TG: variants seen among roughly 807,000 people sequenced by gnomAD.
TG encodes thyroglobulin, also known as thyroid hormones.
A neutral mutation model predicts 324.7 loss-of-function variants in TG; 270 were observed. The ratio of observed to expected loss-of-function variants is 0.83; its 90% CI spans 0.75 to 0.92. TG has a LOEUF of 0.92. Ranked by LOEUF, TG falls within the 40% of genes least tolerant of loss-of-function variation. The pLI is 0.00. For missense variants in TG, 3,591 were observed against 3,456.4 expected (o/e 1.04, Z -0.98); for synonymous variants, 1,401 against 1,327.0 (o/e 1.06, Z -1.21).
At position 132,916,239 on chromosome 8, in the gene TG, C is replaced by G. The variant is rs944310856; in HGVS notation, c.4378+2974C>G. Among the ~76,000 whole-genome samples the G allele has an allele frequency of 1.1e-4, 17 of 152,080 alleles. 1 individual carries two copies. Among genetic ancestry groups the G allele is most frequent in the African/African-American group, 4.1e-4 (17 of 41,392 alleles). ...ATAATACTTATTGCATGGGGTAATACCTATTGTTGTTTAGACAGCATGAAA... is the reference window on the plus strand; with the variant it reads ...ATAATACTTATTGCATGGGGTAATAGCTATTGTTGTTTAGACAGCATGAAA... On this transcript the variant is annotated intron_variant, in intron 20 of 47. Transcript: ENST00000220616.
At chr8:133,080,136 G>C (rs1845525503) in intron 41 of TG, among the ~76,000 whole-genome samples, 1 of 152,136 alleles carries the variant, frequency 6.6e-6, no homozygotes, top group Non-Finnish European at 1.5e-5. Context: ...AGTCCAGAGT[G>C]ACTCTGGCAT....
rs77660463 is a variant in TG at position 132,888,579 on chromosome 8, G to T, written c.2761+11G>T. On this transcript the variant is annotated intron_variant, in intron 10 of 47. Coordinates refer to ENST00000220616, the MANE Select transcript of TG (RefSeq NM_003235.5). ...GCAAGCTCCCAACATGTGAGCTAAC[G>T]CATATGAAGAGTTAAATGTGTGTGT... The T allele has an allele frequency of 0.011, 17,264 of 1,604,020 alleles. 563 individuals carry two copies. The highest frequency in any genetic ancestry group is 0.092 in the African/African-American group (6,801 of 74,306).
intron 43 of TG, among the ~76,000 whole-genome samples, chr8:133,108,800 C>G (rs1850040555): frequency 6.6e-6 from 1 of 152,214 alleles, no homozygotes; most frequent in Non-Finnish European, 1.5e-5. Flanking sequence ...ATCCCTGCCC[C>G]CTTTGCCATG....
intron 41 of TG, among the ~76,000 whole-genome samples, chr8:133,043,158 A>T (rs1291837232): frequency 6.6e-6 from 1 of 152,140 alleles, no homozygotes; most frequent in Non-Finnish European, 1.5e-5. Flanking sequence ...ATGACCAGGA[A>T]CATACTGCGG....
At chr8:132,936,489 G>T (rs568089461) in intron 25 of TG, among the ~76,000 whole-genome samples, 2 of 152,328 alleles carry the variant, frequency 1.3e-5, no homozygotes, top group East Asian at 3.9e-4. Flanking sequence ...TGCCAGTGCT[G>T]CTGGTCCGGG....
intron 46 of TG, 62 bp downstream of exon 46, chr8:133,132,008 CA>C: frequency 6.2e-7 from 1 of 1,610,566 alleles, no homozygotes; most frequent in Admixed American, 1.7e-5. Context: ...TTCCTTCAAG[CA>C]GAACGCAAAG....
intron 41 of TG, among the ~76,000 whole-genome samples, chr8:133,039,392 G>C (rs1254813511): frequency 6.6e-6 from 1 of 152,136 alleles, no homozygotes; most frequent in African/African-American, 2.4e-5. Flanking sequence ...TTACAAGAAA[G>C]AGCAGTTTTC....
chr8:132,910,068 C>T (rs1819286173), intron 18 of TG, among the ~76,000 whole-genome samples: 1 of 152,152 alleles, frequency 6.6e-6, no homozygotes, highest in African/African-American at 2.4e-5. Flanking sequence ...AATACTAAGC[C>T]CTTGGCACAC....
chr8:132,967,372 G>T (rs183158687), intron 30 of TG, among the ~76,000 whole-genome samples: 1 of 152,312 alleles, frequency 6.6e-6, no homozygotes, highest in East Asian at 1.9e-4. Context: ...TGCCCTTGGG[G>T]AGCTCATATA....
intron 1 of TG, among the ~76,000 whole-genome samples, 161 bp from the exon 2 acceptor site, chr8:132,867,954 G>T (rs1028907043): frequency 1.3e-5 from 2 of 152,114 alleles, no homozygotes; most frequent in Non-Finnish European, 2.9e-5. Context: ...ATGAGCTAAT[G>T]TCATACTTGT....
intron 41 of TG, among the ~76,000 whole-genome samples, chr8:133,051,787 A>G (rs541773335): frequency 6.6e-6 from 1 of 152,330 alleles, no homozygotes; most frequent in East Asian, 1.9e-4. Flanking sequence ...TTTGGGGGAA[A>G]TAACAAGATG....
intron 41 of TG, among the ~76,000 whole-genome samples, chr8:133,077,522 T>G (rs1845080951): frequency 6.6e-6 from 1 of 152,146 alleles, no homozygotes. Context: ...TTCCTCATAC[T>G]GGGCACTGTG....
At position 132,871,545 on chromosome 8, in the gene TG, A is replaced by G. The variant is rs1839479679; in HGVS notation, c.472A>G (p.Lys158Glu). Residue 158 changes from lysine (K) to glutamate (E), a missense_variant, in exon 4 of 48, where the codon AAG (lysine) becomes GAG (glutamate). Physicochemically the swap from Lys to Glu is moderately conservative, Grantham distance 56. Coordinates refer to ENST00000220616, the MANE Select transcript of TG (RefSeq NM_003235.5). ...TGGGACCCGCCAGCTGGGGAGGCCA[A>G]AGCGATGTGAGTTTCACTGAGCGCC... ...VYGTRQLGRP[K>E]RCPRSCEIRN... 1 of 1,613,410 alleles carries G rather than the reference A, an allele frequency of 6.2e-7. No individual in the cohort carries two copies. Among genetic ancestry groups the G allele is most frequent in the African/African-American group, 1.3e-5 (1 of 74,906 alleles).
At chr8:132,871,975 C>T (rs967740670) in intron 4 of TG, among the ~76,000 whole-genome samples, 8 of 152,006 alleles carry the variant, frequency 5.3e-5, no homozygotes, top group East Asian at 1.9e-4. Flanking sequence ...ATCTTGACCC[C>T]GAGCAGGCCT....
chr8:133,003,811 C>A (rs1420007979), intron 35 of TG, among the ~76,000 whole-genome samples: 2 of 152,132 alleles, frequency 1.3e-5, no homozygotes, highest in African/African-American at 2.4e-5. Flanking sequence ...CTTGTCCCCT[C>A]AGCAGCTCTG....
At chr8:133,096,942 C>T (rs895546156) in intron 43 of TG, among the ~76,000 whole-genome samples, 4 of 152,310 alleles carry the variant, frequency 2.6e-5, no homozygotes, top group Middle Eastern at 6.8e-3. Context: ...TTCCTGCTCT[C>T]GCCAGAAGTT....
At chr8:133,130,014 A>G (rs1851825603) in intron 45 of TG, among the ~76,000 whole-genome samples, 1 of 152,216 alleles carries the variant, frequency 6.6e-6, no homozygotes, top group Admixed American at 6.5e-5. Flanking sequence ...CAAAAAGGAA[A>G]TAAGTATATG....
intron 37 of TG, 120 bp downstream of exon 37, chr8:133,013,884 T>C: frequency 8.2e-7 from 1 of 1,221,460 alleles, no homozygotes; most frequent in Admixed American, 2.0e-5. Flanking sequence ...CTGGGCTAGG[T>C]GGCACTCACT....
intron 3 of TG, 69 bp from the exon 4 acceptor site, chr8:132,871,279 G>A: frequency 2.6e-6 from 4 of 1,546,364 alleles, no homozygotes; most frequent in Non-Finnish European, 3.6e-6. Context: ...GGGAGCATGA[G>A]TTTTCCTGGG....
Sources: allele counts gnomAD v4.1 joint callset (sites outside exome capture counted in the v4.1 genomes callset), GRCh38; gene constraint gnomAD v4.1.1; transcripts MANE v1.5; gene names NCBI Gene and HGNC (gene_info 2026-07-23, HGNC 2026-07-21).